The following CHODL variants were observed in gnomAD, a reference collection of about 807,000 sequenced individuals.
CHODL encodes the protein chondrolectin.
In CHODL, 29 loss-of-function variants were observed where a neutral mutation model predicts 34.5. That is an observed-to-expected ratio of 0.84 (90% CI 0.63 to 1.15). The LOEUF (loss-of-function observed/expected upper bound fraction) is 1.15, where lower values mean the gene tolerates loss of function less well. Among genes scored for constraint, CHODL ranks in the 50% most tolerant of loss-of-function variants. The pLI, the probability that CHODL is intolerant of heterozygous loss-of-function variation, is 0.00. For missense variants in CHODL, 332 were observed against 332.5 expected (o/e 1.00, Z 0.01); for synonymous variants, 125 against 116.1 (o/e 1.08, Z -0.49).
intron 2 of CHODL, among the ~76,000 whole-genome samples, chr21:18,091,792 C>T (rs2065077140): frequency 6.6e-6 from 1 of 152,130 alleles, no homozygotes; most frequent in African/African-American, 2.4e-5. Flanking sequence ...TTTAAGCAAA[C>T]ATTGCCAGTA....
chr21:18,095,491 G>A (rs1356624366), intron 2 of CHODL, among the ~76,000 whole-genome samples: 2 of 152,106 alleles, frequency 1.3e-5, no homozygotes, highest in Non-Finnish European at 2.9e-5. Context: ...CCAATAACAA[G>A]TAATGAGATT....
chr21:18,154,485 T>C (rs1415803379), intron 2 of CHODL, among the ~76,000 whole-genome samples: 7 of 152,164 alleles, frequency 4.6e-5, no homozygotes, highest in African/African-American at 1.7e-4. Context: ...ATTAATAAAA[T>C]GGTGTGCCTT....
chr21:17,979,180 A>C (rs1389864592), intron 1 of CHODL, among the ~76,000 whole-genome samples: 1 of 152,188 alleles, frequency 6.6e-6, no homozygotes, highest in Non-Finnish European at 1.5e-5. Context: ...TAAATTTCAG[A>C]GATTAGCCAT....
At chr21:17,996,052 T>C (rs766820062) in intron 1 of CHODL, among the ~76,000 whole-genome samples, 25 of 152,356 alleles carry the variant, frequency 1.6e-4, no homozygotes, top group Non-Finnish European at 2.4e-4. Context: ...TGGCATCTGA[T>C]TGAGTGACTT....
At chr21:18,161,065 A>G (rs776805088) in intron 2 of CHODL, among the ~76,000 whole-genome samples, 1 of 151,930 alleles carries the variant, frequency 6.6e-6, no homozygotes, top group Non-Finnish European at 1.5e-5. Context: ...GTTTTGATTT[A>G]CGTTTCTTAA....
At chr21:18,167,429 C>G (rs2073172417) in intron 2 of CHODL, among the ~76,000 whole-genome samples, 2 of 151,468 alleles carry the variant, frequency 1.3e-5, no homozygotes, top group South Asian at 4.2e-4. Flanking sequence ...CCTGCCTCAG[C>G]CTCCAGAGTA....
chr21:18,158,762 C>T (rs1022907182), intron 2 of CHODL, among the ~76,000 whole-genome samples: 15 of 148,760 alleles, frequency 1.0e-4, no homozygotes, highest in Non-Finnish European at 1.8e-4. Context: ...CGCTTGAACC[C>T]GGGAGGCGGA....
chr21:18,026,449 G>GCA (rs2064176552), intron 1 of CHODL, among the ~76,000 whole-genome samples: 1 of 632 alleles, frequency 1.6e-3, no homozygotes, highest in Non-Finnish European at 3.4e-3. Context: ...CGACAAGCTT[G>GCA]GATCACTTTA....
intron 2 of CHODL, among the ~76,000 whole-genome samples, chr21:18,052,005 G>T (rs1387693349): frequency 6.6e-6 from 1 of 151,808 alleles, no homozygotes; most frequent in Non-Finnish European, 1.5e-5. Flanking sequence ...TGATTTTAAA[G>T]GTAGGAAAAA....
At chr21:18,262,360 T>C (rs921308719) in intron 4 of CHODL, among the ~76,000 whole-genome samples, 1 of 152,212 alleles carries the variant, frequency 6.6e-6, no homozygotes, top group Non-Finnish European at 1.5e-5. Flanking sequence ...CTAGGTCATA[T>C]AGCTTACTAC....
At chr21:18,123,953 C>A (rs537818416) in intron 2 of CHODL, among the ~76,000 whole-genome samples, 5 of 152,064 alleles carry the variant, frequency 3.3e-5, no homozygotes, top group Non-Finnish European at 4.4e-5. Flanking sequence ...GAGGCCGAGG[C>A]GGGCGGATCA....
rs143049234 is a variant in CHODL, at chr21:17,917,934, T to C, written c.-145+534T>C. 7.9e-3 allele frequency among the ~76,000 whole-genome samples: 1,204 copies of C among 151,538 alleles called. 18 individuals are homozygous for C. Among genetic ancestry groups the C allele is most frequent in the African/African-American group, 0.027 (1,116 of 41,456 alleles). ...TTCTGCCGTTCTTGAAGCTAAACTCTAAAGGAGGTGATGAACAATTAGACA... is the reference window on the plus strand; with the variant it reads ...TTCTGCCGTTCTTGAAGCTAAACTCCAAAGGAGGTGATGAACAATTAGACA... On this transcript the variant is annotated intron_variant, in intron 1 of 6. Transcript: ENST00000400127.
chr21:18,256,657 A>G lies in CHODL; in HGVS notation c.228A>G (p.Glu76=). 6.2e-7 allele frequency: 1 copy of G among 1,614,086 alleles called. No homozygotes were observed. The highest frequency in any genetic ancestry group is 1.3e-5 in the African/African-American group (1 of 75,028). Residue 76 remains glutamate (E), a synonymous_variant, in exon 2 of 6, where the codon GAA becomes GAG. Coordinates refer to ENST00000299295, the MANE Select transcript of CHODL (RefSeq NM_024944.3). ...TCCTCAGCCTTGAGAATGAAGCAGA[A>G]CAGAAGTTAATAGAGAGCATGTTGC... ...GVLLSLENEA[E]QKLIESMLQN... is the part of the protein sequence containing the mutation.
At chr21:18,218,996 T>A (rs1396751310) in intron 2 of CHODL, among the ~76,000 whole-genome samples, 3 of 152,148 alleles carry the variant, frequency 2.0e-5, no homozygotes, top group Non-Finnish European at 4.4e-5. Context: ...GTTCCAAACT[T>A]TCCCACATTT....
intron 2 of CHODL, among the ~76,000 whole-genome samples, chr21:18,200,233 T>C (rs892575111): frequency 6.6e-5 from 10 of 152,194 alleles, no homozygotes; most frequent in African/African-American, 2.4e-4. Flanking sequence ...CAGTGAAATC[T>C]ATTGACTCAA....
chr21:17,975,252 G>A (rs530850307), intron 1 of CHODL, among the ~76,000 whole-genome samples: 1 of 152,216 alleles, frequency 6.6e-6, no homozygotes, highest in Non-Finnish European at 1.5e-5. Flanking sequence ...TCACAAGTGG[G>A]AGCTAAACAC....
intron 2 of CHODL, among the ~76,000 whole-genome samples, chr21:18,104,267 T>C (rs1428249571): frequency 6.6e-6 from 1 of 152,182 alleles, no homozygotes; most frequent in Non-Finnish European, 1.5e-5. Context: ...AATTGAATCA[T>C]GGGGGCAGTT....
At chr21:18,043,835 G>A (rs747345244) in intron 2 of CHODL, among the ~76,000 whole-genome samples, 25 of 151,896 alleles carry the variant, frequency 1.6e-4, no homozygotes, top group Non-Finnish European at 2.9e-4. Flanking sequence ...CAATCTTGGC[G>A]GAAGGCGAAA....
At chr21:18,033,900 T>C (rs1157882701) in intron 2 of CHODL, among the ~76,000 whole-genome samples, 3 of 152,052 alleles carry the variant, frequency 2.0e-5, no homozygotes, top group Non-Finnish European at 4.4e-5. Flanking sequence ...TAGTCTGTAC[T>C]ATATTCTCAC....
Sources: gnomAD v4.1 joint callset for allele counts (sites outside exome capture counted in the v4.1 genomes callset) on GRCh38, gnomAD v4.1.1 for gene constraint, MANE v1.5 for transcripts, NCBI Gene and HGNC (gene_info 2026-07-23, HGNC 2026-07-21) for gene names.